Variants in LSM14A observed in about 807,000 individuals in gnomAD.
LSM14A encodes LSM14A mRNA processing body assembly factor.
In LSM14A, 14 loss-of-function variants were observed where a neutral mutation model predicts 52.4. That is an observed-to-expected ratio of 0.27 (90% confidence interval 0.18 to 0.42). LSM14A has a LOEUF of 0.42. Among genes scored for constraint, LSM14A ranks in the 10% least tolerant of loss-of-function variants. The pLI is 1.00. For missense variants in LSM14A, 417 were observed against 581.8 expected, an observed-to-expected ratio of 0.72 and a Z score of 2.91; for synonymous variants, 185 against 200.3, an observed-to-expected ratio of 0.92 and a Z score of 0.64.
chr19:34,172,787 T>G, intron 1 of LSM14A, 24 bp downstream of exon 1: 1 of 1,558,026 alleles, frequency 6.4e-7, no homozygotes, highest in Non-Finnish European at 8.7e-7. Context: ...GGCCTCAGGG[T>G]GGGGGCCGAG....
In LSM14A at chr19:34,219,886, T is replaced by TAAA. The variant is rs756337932; in HGVS notation, c.1136+9_1136+10insAAA. The stretch of plus-strand genomic sequence containing the variant: ...TCTTGTGATGACAATAGGTACAGTT[T>TAAA]TTAAGCTGTTCTTTTATCTTATGAT... On this transcript the variant is annotated intron_variant, in intron 8 of 9. Transcript: ENST00000544216. 6.3e-7 allele frequency: 1 copy of TAAA among 1,584,538 alleles called. No individual in the cohort carries two copies. The highest frequency in any genetic ancestry group is 8.6e-7 in the Non-Finnish European group (1 of 1,158,176).
At chr19:34,184,045 C>G (rs1159873169) in intron 1 of LSM14A, among the ~76,000 whole-genome samples, 3 of 146,952 alleles carry the variant, frequency 2.0e-5, no homozygotes, top group Admixed American at 1.4e-4. Flanking sequence ...CTTTTCTAGA[C>G]TTTCCTTTGC....
At position 34,226,428 on chromosome 19, in the gene LSM14A, C is replaced by G. The variant is rs1277426346; in HGVS notation, c.1369-937C>G. 5 of 1,508,698 alleles carry G rather than the reference C, an allele frequency of 3.3e-6. No homozygotes were observed. The South Asian group carries it at 6.5e-5, about 19-fold the overall frequency. The allele number at this position is 1,508,698 out of a possible 1,614,324, so 93.5% of individuals were successfully genotyped here. Reference sequence around the variant, plus strand: ...TTCAGAAAACCACAGCTTTTGGACCCTAAAAGGTCTGGATTGATCGTACTG... The same window carrying G: ...TTCAGAAAACCACAGCTTTTGGACCGTAAAAGGTCTGGATTGATCGTACTG... On this transcript the variant is annotated intron_variant, in intron 9 of 9. Coordinates refer to ENST00000544216, the MANE Select transcript of LSM14A (RefSeq NM_015578.4).
chr19:34,202,818 G>A (rs1599692916), intron 3 of LSM14A, among the ~76,000 whole-genome samples: 1 of 151,872 alleles, frequency 6.6e-6, no homozygotes, highest in East Asian at 1.9e-4. Flanking sequence ...CCACGCCCGG[G>A]TAATTTTTTG....
rs1257754870 is a variant in LSM14A, at chr19:34,228,398, T to TC, written c.*1016dup. 1 of 152,624 alleles carries TC rather than the reference T, an allele frequency of 6.6e-6. No homozygotes were observed. The highest frequency in any genetic ancestry group is 3.2e-3 in the Middle Eastern group (1 of 316). 9.5% of individuals were successfully genotyped at this position (152,624 alleles called of 1,614,324 possible). On this transcript the variant is annotated 3_prime_UTR_variant, in exon 10 of 10. Transcript: ENST00000544216. The stretch of plus-strand genomic sequence containing the variant: ...AGCTGTATTTTCAAATAAGTAATCT[T>TC]CCCCCCTTTTGTAGGACTTTAAAAC...
intron 3 of LSM14A, among the ~76,000 whole-genome samples, chr19:34,206,543 C>T (rs938679932): frequency 1.7e-4 from 26 of 150,106 alleles, no homozygotes; most frequent in Non-Finnish European, 3.3e-4. Context: ...GGCATGGTGG[C>T]GCGCGCCTGT....
At chr19:34,224,412 A>G (rs987826077) in intron 9 of LSM14A, among the ~76,000 whole-genome samples, 1 of 152,198 alleles carries the variant, frequency 6.6e-6, no homozygotes, top group Non-Finnish European at 1.5e-5. Context: ...TTTTGACACC[A>G]TGTCACACTG....
Position 34,219,731 on chromosome 19 carries a change from G to A in LSM14A, c.990G>A (p.Lys330=), listed in dbSNP as rs774998876. Residue 330 remains lysine, a synonymous_variant, in exon 8 of 10, where the codon AAG becomes AAA. Coordinates refer to ENST00000544216, the MANE Select transcript of LSM14A (RefSeq NM_015578.4). ...AAGATAAACTTGAGAAACAGGAGAA[G>A]CCTGTAAATGGTGAAGATAAAGGAG... ...LKEDKLEKQE[K]PVNGEDKGDS... 15 of 1,610,884 alleles carry A rather than the reference G, an allele frequency of 9.3e-6. No homozygotes were observed. The East Asian group carries it at 3.1e-4, about 34-fold the overall frequency.
chr19:34,217,356 A>G (rs2072695851), intron 6 of LSM14A, among the ~76,000 whole-genome samples: 1 of 151,222 alleles, frequency 6.6e-6, no homozygotes, highest in African/African-American at 2.4e-5. Flanking sequence ...ATAAGGTTTT[A>G]TATTTTCTTT....
chr19:34,202,982 A>G (rs535162696), intron 3 of LSM14A, among the ~76,000 whole-genome samples: 3 of 152,326 alleles, frequency 2.0e-5, no homozygotes, highest in African/African-American at 4.8e-5. Context: ...TGATGCAAAA[A>G]TAATTCTTAT....
chr19:34,212,177 A>G (rs2072213154), intron 4 of LSM14A, among the ~76,000 whole-genome samples: 1 of 152,144 alleles, frequency 6.6e-6, no homozygotes, highest in Non-Finnish European at 1.5e-5. Context: ...CTCTAAAAAA[A>G]TTAAAAATTA....
At chr19:34,217,896 A>G (rs1283923895) in intron 6 of LSM14A, among the ~76,000 whole-genome samples, 1 of 151,982 alleles carries the variant, frequency 6.6e-6, no homozygotes, top group Non-Finnish European at 1.5e-5. Context: ...TTGCCCTTCA[A>G]AACTCACCCC....
chr19:34,196,867 T>G, intron 3 of LSM14A, 104 bp downstream of exon 3: 1 of 997,252 alleles, frequency 1.0e-6, no homozygotes, highest in Non-Finnish European at 1.4e-6. Flanking sequence ...TGTTTGATGT[T>G]CCTTTTGTAA....
intron 1 of LSM14A, among the ~76,000 whole-genome samples, chr19:34,173,356 T>TC (rs1221747577): frequency 2.6e-5 from 4 of 152,190 alleles, no homozygotes; most frequent in African/African-American, 9.6e-5. Context: ...ACCGGAATCC[T>TC]CAAAGCCTGT....
chr19:34,204,850 G>A lies in LSM14A; in HGVS notation c.416-4079G>A, dbSNP rs187411891. 7.5e-3 allele frequency among the ~76,000 whole-genome samples: 1,139 copies of A among 152,194 alleles called. 21 individuals are homozygous for A. The highest frequency in any genetic ancestry group is 8.5e-3 in the Non-Finnish European group (578 of 68,006). ...CATGTATTAGAAAACAAGAATTTTC[G>A]GCTGGGCGCAATGGCTCATGCCTAT... On this transcript the variant is annotated intron_variant, in intron 3 of 9. Transcript: ENST00000544216.
chr19:34,194,344 C>A, intron 1 of LSM14A, 134 bp from the exon 2 acceptor site: 1 of 848,098 alleles, frequency 1.2e-6, no homozygotes, highest in Non-Finnish European at 1.8e-6. Context: ...ACTTTTTTAG[C>A]TATAGATTAA....
intron 6 of LSM14A, among the ~76,000 whole-genome samples, chr19:34,217,123 G>A (rs2072668469): frequency 6.6e-6 from 1 of 151,996 alleles, no homozygotes; most frequent in African/African-American, 2.4e-5. Context: ...GCTGGGTGTG[G>A]TGGCACACGC....
At position 34,226,356 on chromosome 19, in the gene LSM14A, C is replaced by A; in HGVS notation, c.1369-1009C>A. The A allele has an allele frequency of 3.4e-6, 5 of 1,472,886 alleles. No homozygotes were observed. In the South Asian group the frequency reaches 6.6e-5, roughly 19 times the overall value. 91.2% of individuals were successfully genotyped at this position (1,472,886 alleles called of 1,614,324 possible). A position where few individuals can be genotyped will look rare whatever the true frequency, so the allele number is the denominator to read the frequency against. ...CTTTCATTTTCTCCTTTCTCCCTCT[C>A]CTGTCCCCATCTCTTTCTCTTTTTT... is the stretch of plus-strand genomic sequence containing the variant. On this transcript the variant is annotated intron_variant, in intron 9 of 9. Transcript: ENST00000544216.
intron 3 of LSM14A, among the ~76,000 whole-genome samples, chr19:34,198,927 C>T (rs931577503): frequency 6.6e-5 from 10 of 151,496 alleles, no homozygotes; most frequent in South Asian, 2.1e-4. Flanking sequence ...GCGGAGCTTG[C>T]GGTGAGCCAA....
Sources: gnomAD v4.1 joint callset for allele counts (sites outside exome capture counted in the v4.1 genomes callset) on GRCh38, gnomAD v4.1.1 for gene constraint, MANE v1.5 for transcripts, NCBI Gene and HGNC (gene_info 2026-07-23, HGNC 2026-07-21) for gene names.